The following ANO1 variants were observed in gnomAD, a reference collection of about 807,000 sequenced individuals.
ANO1 encodes the protein anoctamin 1.
ANO1 carries 59 observed loss-of-function variants against 124.0 expected under a neutral mutation model. The ratio of observed to expected loss-of-function variants is 0.48; its 90% CI spans 0.39 to 0.59. ANO1 has a LOEUF of 0.59. ANO1 is among the 20% of genes least tolerant of loss of function. ANO1 has a pLI of 0.00. For missense variants in ANO1, 1,059 were observed against 1,328.0 expected (o/e 0.80, Z 3.15); for synonymous variants, 529 against 532.0 (o/e 0.99, Z 0.08).
chr11:70,130,937 G>A (rs1351671434), intron 10 of ANO1, among the ~76,000 whole-genome samples: 2 of 152,210 alleles, frequency 1.3e-5, no homozygotes, highest in African/African-American at 2.4e-5. Context: ...CAAGGCAGCC[G>A]CCCCACCAGG....
At chr11:70,005,729 T>A (rs1856471892) in intron 1 of ANO1, among the ~76,000 whole-genome samples, 2 of 152,192 alleles carry the variant, frequency 1.3e-5, no homozygotes. Flanking sequence ...ATGGAAAAAT[T>A]CCTGGGACTG....
At chr11:70,156,895 A>ATGTG in intron 15 of ANO1, 52 bp from the exon 16 acceptor site, 3 of 1,534,324 alleles carry the variant, frequency 2.0e-6, no homozygotes, top group Non-Finnish European at 2.7e-6. Context: ...ACACACAGAG[A>ATGTG]TGTCTCATCG....
chr11:70,103,100 A>G lies in ANO1; in HGVS notation c.476A>G (p.His159Arg). ...KIHGVGFVKIHAPWNVLCREA... is the reference protein window; with the variant it reads ...KIHGVGFVKIRAPWNVLCREA... The stretch of plus-strand genomic sequence containing the variant: ...CACGGAGTCGGGTTTGTGAAAATCC[A>G]TGCCCCCTGGAACGTGCTGTGCAGA... Residue 159 changes from histidine (H) to arginine (R), a missense_variant, in exon 3 of 26, where the codon CAT (histidine) becomes CGT (arginine). His to Arg is a conservative substitution (Grantham distance 29, BLOSUM62 0). Coordinates refer to ENST00000355303, the MANE Select transcript of ANO1 (RefSeq NM_018043.7). 1 of 1,612,926 alleles carries G rather than the reference A, an allele frequency of 6.2e-7. No individual in the cohort carries two copies. Among genetic ancestry groups the G allele is most frequent in the South Asian group, 1.1e-5 (1 of 90,724 alleles).
At chr11:70,100,224 T>C (rs1398830714) in intron 2 of ANO1, among the ~76,000 whole-genome samples, 3 of 152,088 alleles carry the variant, frequency 2.0e-5, no homozygotes, top group Admixed American at 6.5e-5. Context: ...AACCTGCAGC[T>C]TCAGGGTGGG....
At chr11:70,017,242 T>G (rs540279668) in intron 1 of ANO1, among the ~76,000 whole-genome samples, 1 of 152,358 alleles carries the variant, frequency 6.6e-6, no homozygotes, top group Non-Finnish European at 1.5e-5. Context: ...TTACAGTTTT[T>G]GTGGTTTCTT....
At chr11:70,156,212 T>C (rs2047811940) in intron 15 of ANO1, among the ~76,000 whole-genome samples, 1 of 152,196 alleles carries the variant, frequency 6.6e-6, no homozygotes, top group Admixed American at 6.5e-5. Context: ...CTGGCTTGAC[T>C]TGGAGCTCGT....
chr11:70,180,323 A>G (rs1344031682), intron 23 of ANO1, among the ~76,000 whole-genome samples: 5 of 151,990 alleles, frequency 3.3e-5, no homozygotes, highest in African/African-American at 4.8e-5. Flanking sequence ...TCCAGGCTGC[A>G]GTACAGTGGC....
intron 1 of ANO1, among the ~76,000 whole-genome samples, chr11:70,027,455 C>T (rs1257571363): frequency 6.6e-6 from 1 of 152,324 alleles, no homozygotes; most frequent in Admixed American, 6.5e-5. Context: ...GTCTCGCTTT[C>T]GTGCTTTGAC....
At chr11:70,085,767 C>A in intron 1 of ANO1, 1 of 1,363,958 alleles carries the variant, frequency 7.3e-7, no homozygotes, top group Non-Finnish European at 9.6e-7. Flanking sequence ...CTTCCCTCCC[C>A]CTCTCCCCCA....
chr11:70,055,940 T>C (rs537565165), intron 1 of ANO1, among the ~76,000 whole-genome samples: 1 of 152,290 alleles, frequency 6.6e-6, no homozygotes, highest in South Asian at 2.1e-4. Flanking sequence ...AAACCTTAAC[T>C]TTTAGAAATG....
intron 10 of ANO1, among the ~76,000 whole-genome samples, chr11:70,130,886 C>T (rs1305117632): frequency 2.0e-5 from 3 of 152,226 alleles, no homozygotes; most frequent in South Asian, 2.1e-4. Flanking sequence ...CTGGGATCCC[C>T]GTTTCTCCAC....
At chr11:70,095,210 GAA>G (rs1372258847) in intron 2 of ANO1, among the ~76,000 whole-genome samples, 2 of 52,336 alleles carry the variant, frequency 3.8e-5, no homozygotes, top group Non-Finnish European at 7.2e-5. Context: ...TCTCAAAAAA[GAA>G]AGAGAGAGAG....
intron 2 of ANO1, among the ~76,000 whole-genome samples, chr11:70,092,175 T>C (rs767381157): frequency 6.6e-6 from 1 of 152,216 alleles, no homozygotes; most frequent in Non-Finnish European, 1.5e-5. Flanking sequence ...CTCTGTTGTG[T>C]GTCTCTGTTG....
chr11:69,980,600 G>C, the ANO1 span, among the ~76,000 whole-genome samples: 449 of 150,784 alleles, frequency 3.0e-3, 3 homozygotes, highest in Non-Finnish European at 4.5e-3. Context: ...CAGCCTGGGT[G>C]ACAGAGTAAG....
intron 7 of ANO1, among the ~76,000 whole-genome samples, chr11:70,115,286 C>A (rs1157267805): frequency 2.0e-5 from 3 of 152,256 alleles, no homozygotes; most frequent in East Asian, 1.9e-4. Context: ...CCCCCAGGAG[C>A]CCCATAGCTT....
chr11:70,047,092 A>AAG (rs35783746), intron 1 of ANO1, among the ~76,000 whole-genome samples: 64,169 of 146,114 alleles, frequency 0.44, 14,970 homozygotes, highest in East Asian at 0.67. Flanking sequence ...AAAAAAAAAA[A>AAG]AAAAAGAAAA....
At chr11:70,158,923 G>A (rs550897432) in intron 16 of ANO1, among the ~76,000 whole-genome samples, 17 of 152,234 alleles carry the variant, frequency 1.1e-4, no homozygotes, top group African/African-American at 4.1e-4. Flanking sequence ...GAGGGGATGT[G>A]TCCCCTCTGG....
chr11:70,056,769 C>T (rs1857444204), intron 1 of ANO1, among the ~76,000 whole-genome samples: 1 of 150,658 alleles, frequency 6.6e-6, no homozygotes, highest in Non-Finnish European at 1.5e-5. Flanking sequence ...TCCAACTGCA[C>T]ATAGGTTAGG....
In ANO1 at chr11:70,163,262, C is replaced by T. The variant is rs373890763; in HGVS notation, c.1893-21C>T. Reference sequence around the variant, plus strand: ...AGCCAGGGGCTCATCTTTTCTCTAACGACCTCCCCCATCGTTTCAGGTTTG... The same window carrying T: ...AGCCAGGGGCTCATCTTTTCTCTAATGACCTCCCCCATCGTTTCAGGTTTG... On this transcript the variant is annotated intron_variant, in intron 18 of 25. Transcript: ENST00000355303. The T allele has an allele frequency of 2.4e-5, 38 of 1,610,992 alleles. No homozygotes were observed. In the Admixed American group the frequency reaches 2.5e-4, roughly 11 times the overall value.
Sources: gnomAD v4.1 joint callset for allele counts (sites outside exome capture counted in the v4.1 genomes callset) on GRCh38, gnomAD v4.1.1 for gene constraint, MANE v1.5 for transcripts, NCBI Gene and HGNC (gene_info 2026-07-23, HGNC 2026-07-21) for gene names.